INPP4B: variants seen among roughly 807,000 people sequenced by gnomAD.
The protein encoded by INPP4B is inositol polyphosphate 4-phosphatase type II.
INPP4B carries 55 observed loss-of-function variants against 122.5 expected under a neutral mutation model. The observed-to-expected ratio is 0.45, with a 90% CI of 0.36 to 0.56. The LOEUF (loss-of-function observed/expected upper bound fraction) is 0.56. Among genes scored for constraint, INPP4B ranks in the 20% least tolerant of loss-of-function variants. The pLI is 0.00. For synonymous variants in INPP4B, 403 were observed against 388.7 expected, an observed-to-expected ratio of 1.04 and a Z score of -0.43; for missense variants, 1,000 against 1,097.7, an observed-to-expected ratio of 0.91 and a Z score of 1.26.
chr4:142,092,976 T>G (rs1006558464), intron 23 of INPP4B, among the ~76,000 whole-genome samples: 2 of 152,184 alleles, frequency 1.3e-5, no homozygotes, highest in Non-Finnish European at 2.9e-5. Context: ...GGCTTCTGAC[T>G]ATCTTTTGAC....
At chr4:142,440,176 A>C (rs1811383430) in intron 3 of INPP4B, among the ~76,000 whole-genome samples, 1 of 152,248 alleles carries the variant, frequency 6.6e-6, no homozygotes, top group African/African-American at 2.4e-5. Context: ...GGCACTGAGC[A>C]CACAGAAATA....
intron 3 of INPP4B, among the ~76,000 whole-genome samples, chr4:142,436,307 G>A (rs1810506522): frequency 6.6e-6 from 1 of 152,186 alleles, no homozygotes; most frequent in South Asian, 2.1e-4. Context: ...CTGTGAACCA[G>A]CAGACTTAGT....
At chr4:142,209,071 T>A (rs1180565462) in intron 12 of INPP4B, 45 bp from the exon 13 acceptor site, 2 of 1,441,916 alleles carry the variant, frequency 1.4e-6, no homozygotes, top group Non-Finnish European at 1.9e-6. Flanking sequence ...TTATCTTAAA[T>A]CCATAAACGC....
intron 2 of INPP4B, among the ~76,000 whole-genome samples, chr4:142,712,214 A>C (rs2150800939): frequency 6.6e-6 from 1 of 152,304 alleles, no homozygotes; most frequent in East Asian, 1.9e-4. Flanking sequence ...GTTAGAAATA[A>C]GTTTCTATTG....
At chr4:142,169,800 A>G (rs1013539751) in intron 16 of INPP4B, among the ~76,000 whole-genome samples, 1 of 151,710 alleles carries the variant, frequency 6.6e-6, no homozygotes, top group African/African-American at 2.4e-5. Context: ...GGCCATATCT[A>G]TGTAGTATTT....
intron 2 of INPP4B, among the ~76,000 whole-genome samples, chr4:142,603,472 C>T (rs914651111): frequency 1.3e-5 from 2 of 150,682 alleles, no homozygotes; most frequent in Non-Finnish European, 1.5e-5. Context: ...TTATAAAATG[C>T]TAACTCATTT....
intron 2 of INPP4B, among the ~76,000 whole-genome samples, chr4:142,709,031 T>A (rs1762799597): frequency 6.6e-6 from 1 of 152,102 alleles, no homozygotes; most frequent in Non-Finnish European, 1.5e-5. Context: ...TGCATCAGAG[T>A]GCCCTGGATG....
intron 15 of INPP4B, among the ~76,000 whole-genome samples, chr4:142,190,530 T>G (rs2149327092): frequency 6.6e-6 from 1 of 152,332 alleles, no homozygotes; most frequent in Admixed American, 6.5e-5. Context: ...GCTGTATTTG[T>G]CTCAAACCAC....
At chr4:142,805,987 GA>G (rs1778626098) in intron 1 of INPP4B, among the ~76,000 whole-genome samples, 1 of 152,218 alleles carries the variant, frequency 6.6e-6, no homozygotes, top group African/African-American at 2.4e-5. Context: ...CTTAAAAATA[GA>G]GGAAAAAAGA....
At chr4:142,159,818 C>T (rs750301975) in intron 17 of INPP4B, among the ~76,000 whole-genome samples, 1 of 151,826 alleles carries the variant, frequency 6.6e-6, no homozygotes, top group African/African-American at 2.4e-5. Flanking sequence ...GCTATTTTTT[C>T]GTATCATTTT....
chr4:142,572,145 C>T (rs1482441775), intron 2 of INPP4B, among the ~76,000 whole-genome samples: 2 of 152,152 alleles, frequency 1.3e-5, no homozygotes, highest in Non-Finnish European at 2.9e-5. Context: ...GCTTGTCACA[C>T]TGCTCTGCTG....
At chr4:142,038,186 CAAAAACTGCAACTATTT>C (rs1745148997) in intron 25 of INPP4B, among the ~76,000 whole-genome samples, 1 of 152,084 alleles carries the variant, frequency 6.6e-6, no homozygotes, top group Non-Finnish European at 1.5e-5. Flanking sequence ...CAGGACTTTT[CAAAAACTGCAACTATTT>C]AAATGTTGTG....
chr4:142,047,349 C>G (rs890964025), intron 25 of INPP4B, among the ~76,000 whole-genome samples: 1 of 152,030 alleles, frequency 6.6e-6, no homozygotes, highest in Non-Finnish European at 1.5e-5. Flanking sequence ...ATCGACTATT[C>G]TGTTCAATTG....
chr4:142,635,899 C>T (rs928592143), intron 2 of INPP4B, among the ~76,000 whole-genome samples: 2 of 152,060 alleles, frequency 1.3e-5, no homozygotes, highest in South Asian at 2.1e-4. Flanking sequence ...AAGATTTCTA[C>T]AAAATCTACA....
chr4:142,676,337 A>C (rs543461462), intron 2 of INPP4B, among the ~76,000 whole-genome samples: 35 of 152,160 alleles, frequency 2.3e-4, no homozygotes, highest in African/African-American at 7.9e-4. Context: ...CTCAAGGAAA[A>C]AGGAGAGGAC....
intron 17 of INPP4B, among the ~76,000 whole-genome samples, chr4:142,155,220 A>G (rs1816565745): frequency 6.6e-6 from 1 of 152,102 alleles, no homozygotes; most frequent in Non-Finnish European, 1.5e-5. Flanking sequence ...AGAATTATCT[A>G]TCTCCTTCTT....
intron 2 of INPP4B, among the ~76,000 whole-genome samples, chr4:142,707,540 G>A (rs138036270): frequency 0.017 from 2,625 of 152,210 alleles, 33 homozygotes; most frequent in South Asian, 0.028. Context: ...CATGAGATCT[G>A]CTTGTTTAAA....
intron 7 of INPP4B, among the ~76,000 whole-genome samples, chr4:142,397,995 G>A (rs1410949873): frequency 1.3e-5 from 2 of 151,934 alleles, no homozygotes; most frequent in East Asian, 3.9e-4. Flanking sequence ...TTCAGACTCG[G>A]CCTCCTTAGA....
intron 12 of INPP4B, among the ~76,000 whole-genome samples, chr4:142,228,220 A>G (rs1294969611): frequency 6.6e-6 from 1 of 152,096 alleles, no homozygotes; most frequent in Non-Finnish European, 1.5e-5. Flanking sequence ...TTTAAAAAAG[A>G]TTAAAGATAA....
Sources: gnomAD v4.1 joint callset for allele counts (sites outside exome capture counted in the v4.1 genomes callset) on GRCh38, gnomAD v4.1.1 for gene constraint, MANE v1.5 for transcripts, NCBI Gene and HGNC (gene_info 2026-07-23, HGNC 2026-07-21) for gene names.